The following FRMD4B variants were observed in gnomAD, a reference collection of about 807,000 sequenced individuals.
FRMD4B encodes FERM domain containing 4B.
Under a neutral mutation model 141.5 loss-of-function variants are expected in FRMD4B, and 74 were observed. That is an observed-to-expected ratio of 0.52 (90% CI 0.43 to 0.63). FRMD4B has a LOEUF of 0.63. Among genes scored for constraint, FRMD4B ranks in the 30% least tolerant of loss-of-function variants. FRMD4B has a pLI of 0.00. For synonymous variants in FRMD4B, 506 were observed against 467.9 expected (o/e 1.08, Z -1.05); for missense variants, 1,366 against 1,253.4 (o/e 1.09, Z -1.36).
At chr3:69,172,471 T>A (rs144239722) in intron 22 of FRMD4B, among the ~76,000 whole-genome samples, 1 of 152,350 alleles carries the variant, frequency 6.6e-6, no homozygotes, top group African/African-American at 2.4e-5. Context: ...GTTAAACAAA[T>A]CTTCGGCCCA....
chr3:69,533,582 GGAA>G (rs2107161380), intron 1 of FRMD4B, among the ~76,000 whole-genome samples: 1 of 152,288 alleles, frequency 6.6e-6, no homozygotes, highest in Admixed American at 6.5e-5. Flanking sequence ...CTTTGAAAAG[GGAA>G]CTTATTCTGA....
At chr3:69,404,189 G>T (rs1376395534) in intron 2 of FRMD4B, among the ~76,000 whole-genome samples, 1 of 152,132 alleles carries the variant, frequency 6.6e-6, no homozygotes, top group African/African-American at 2.4e-5. Context: ...GAACCAATGT[G>T]CCTGGTCTCC....
At chr3:69,247,527 C>T (rs2093432910) in intron 7 of FRMD4B, among the ~76,000 whole-genome samples, 1 of 152,202 alleles carries the variant, frequency 6.6e-6, no homozygotes, top group Admixed American at 6.5e-5. Context: ...CACTCCGTCA[C>T]CCAGGCTGGA....
chr3:69,271,601 T>A (rs1259357186), intron 5 of FRMD4B, among the ~76,000 whole-genome samples: 1 of 152,232 alleles, frequency 6.6e-6, no homozygotes, highest in Non-Finnish European at 1.5e-5. Flanking sequence ...ATAATTTGAA[T>A]GTCAGAAAAA....
At chr3:69,273,029 A>C (rs2093602757) in intron 5 of FRMD4B, among the ~76,000 whole-genome samples, 1 of 152,086 alleles carries the variant, frequency 6.6e-6, no homozygotes, top group Non-Finnish European at 1.5e-5. Flanking sequence ...CATTTTTCCA[A>C]TTTTTCTTCC....
intron 2 of FRMD4B, among the ~76,000 whole-genome samples, chr3:69,430,913 G>T (rs1489847282): frequency 6.6e-6 from 1 of 152,326 alleles, no homozygotes; most frequent in Middle Eastern, 3.4e-3. Context: ...GAGAATGACA[G>T]TAGGGACAAT....
At chr3:69,257,024 C>A (rs764215715) in intron 5 of FRMD4B, among the ~76,000 whole-genome samples, 4 of 152,146 alleles carry the variant, frequency 2.6e-5, no homozygotes, top group Non-Finnish European at 4.4e-5. Context: ...CATCCCTGGC[C>A]TCTACTCACT....
chr3:69,183,298 C>G (rs898893413), intron 19 of FRMD4B, among the ~76,000 whole-genome samples: 3 of 151,872 alleles, frequency 2.0e-5, no homozygotes, highest in South Asian at 2.1e-4. Flanking sequence ...TTTTGATCCC[C>G]CCACCACCAG....
intron 1 of FRMD4B, among the ~76,000 whole-genome samples, chr3:69,454,873 G>A (rs1391462042): frequency 6.6e-6 from 1 of 152,242 alleles, no homozygotes; most frequent in Non-Finnish European, 1.5e-5. Flanking sequence ...GATCCACTAG[G>A]GAAGTCAGCT....
chr3:69,403,041 A>G (rs771194523), intron 2 of FRMD4B, among the ~76,000 whole-genome samples: 5 of 152,218 alleles, frequency 3.3e-5, no homozygotes, highest in Non-Finnish European at 7.3e-5. Flanking sequence ...TGCCAGCAGT[A>G]GCTAGATGTT....
At chr3:69,337,292 T>C (rs1166074643) in intron 1 of FRMD4B, among the ~76,000 whole-genome samples, 1 of 152,132 alleles carries the variant, frequency 6.6e-6, no homozygotes, top group Non-Finnish European at 1.5e-5. Flanking sequence ...TTACAACTTA[T>C]ACAAAAATTA....
At chr3:69,264,901 G>A (rs2093550864) in intron 5 of FRMD4B, among the ~76,000 whole-genome samples, 2 of 152,076 alleles carry the variant, frequency 1.3e-5, no homozygotes, top group African/African-American at 4.8e-5. Context: ...AGGAATAAAC[G>A]GAGACAGAGA....
intron 10 of FRMD4B, among the ~76,000 whole-genome samples, chr3:69,218,066 C>T (rs1299173265): frequency 1.3e-5 from 2 of 152,072 alleles, no homozygotes; most frequent in Non-Finnish European, 2.9e-5. Flanking sequence ...TCTGGTAGTG[C>T]TAGAAAGGTG....
At chr3:69,521,383 A>C (rs1233258404) in intron 1 of FRMD4B, among the ~76,000 whole-genome samples, 1 of 151,994 alleles carries the variant, frequency 6.6e-6, no homozygotes, top group Non-Finnish European at 1.5e-5. Context: ...TCTCTTTCTT[A>C]ATTGATTTCT....
At chr3:69,228,103 A>T (rs2093271541) in intron 7 of FRMD4B, among the ~76,000 whole-genome samples, 1 of 152,238 alleles carries the variant, frequency 6.6e-6, no homozygotes, top group Non-Finnish European at 1.5e-5. Flanking sequence ...TTTGATAGTC[A>T]CAACTGAGGA....
At chr3:69,308,123 C>T (rs1450851689) in intron 3 of FRMD4B, among the ~76,000 whole-genome samples, 2 of 152,172 alleles carry the variant, frequency 1.3e-5, no homozygotes, top group African/African-American at 4.8e-5. Context: ...TCTTAACACT[C>T]CCTTACTGCA....
intron 1 of FRMD4B, among the ~76,000 whole-genome samples, chr3:69,375,011 C>A (rs1320198859): frequency 6.9e-6 from 1 of 145,490 alleles, no homozygotes; most frequent in Non-Finnish European, 1.5e-5. Context: ...CACCAACCCA[C>A]CCACCCATCC....
intron 1 of FRMD4B, among the ~76,000 whole-genome samples, chr3:69,508,184 C>G (rs1321849612): frequency 1.3e-5 from 2 of 151,316 alleles, no homozygotes; most frequent in Non-Finnish European, 2.9e-5. Flanking sequence ...TTTTTGTTTC[C>G]TGAATGGCAA....
chr3:69,372,002 C>T (rs1703838863), intron 1 of FRMD4B, among the ~76,000 whole-genome samples: 1 of 152,192 alleles, frequency 6.6e-6, no homozygotes, highest in Non-Finnish European at 1.5e-5. Flanking sequence ...ATCTCTGCTG[C>T]CTTGCCAAAC....
Sources: gnomAD v4.1 joint callset for allele counts (sites outside exome capture counted in the v4.1 genomes callset) on GRCh38, gnomAD v4.1.1 for gene constraint, MANE v1.5 for transcripts, NCBI Gene and HGNC (gene_info 2026-07-23, HGNC 2026-07-21) for gene names.